PRIM2: variants seen among roughly 807,000 people sequenced by gnomAD.
The protein encoded by PRIM2 is DNA primase large subunit.
PRIM2 carries 39 observed loss-of-function variants against 67.3 expected under a neutral mutation model. The observed-to-expected ratio is 0.58, with a 90% CI of 0.45 to 0.76. The LOEUF (loss-of-function observed/expected upper bound fraction) is 0.76, where lower values mean the gene tolerates loss of function less well. Ranked by LOEUF, PRIM2 falls within the 30% of genes least tolerant of loss-of-function variation. The probability of loss-of-function intolerance (pLI) is 0.00; values close to 1 mark genes in which losing one functional copy is unlikely to be tolerated. For missense variants in PRIM2, 398 were observed against 598.7 expected, an observed-to-expected ratio of 0.66 and a Z score of 3.50; for synonymous variants, 143 against 198.7, an observed-to-expected ratio of 0.72 and a Z score of 2.36.
At chr6:57,580,578 A>G (rs1776062762) in intron 10 of PRIM2, among the ~76,000 whole-genome samples, 1 of 152,178 alleles carries the variant, frequency 6.6e-6, no homozygotes, top group Non-Finnish European at 1.5e-5. Flanking sequence ...GAAGCTTGCA[A>G]GGCCTATTTG....
intron 7 of PRIM2, among the ~76,000 whole-genome samples, chr6:57,462,326 C>T (rs1773035657): frequency 6.6e-6 from 1 of 151,624 alleles, no homozygotes; most frequent in Non-Finnish European, 1.5e-5. Flanking sequence ...AATTTGTTAG[C>T]ATTTTCAGTT....
At chr6:57,637,133 C>T (rs1777136004) in intron 13 of PRIM2, among the ~76,000 whole-genome samples, 1 of 152,164 alleles carries the variant, frequency 6.6e-6, no homozygotes, top group African/African-American at 2.4e-5. Context: ...AGTGGACCTC[C>T]AACAAACTCC....
chr6:57,552,926 C>G (rs1245559755), intron 10 of PRIM2, among the ~76,000 whole-genome samples: 1 of 152,076 alleles, frequency 6.6e-6, no homozygotes, highest in African/African-American at 2.4e-5. Context: ...ACATTCATCT[C>G]AGATTTTCTC....
the PRIM2 span, among the ~76,000 whole-genome samples, chr6:57,309,082 C>T: frequency 2.6e-5 from 4 of 151,168 alleles, no homozygotes; most frequent in South Asian, 2.1e-4. Context: ...GAGGTCCCTG[C>T]GGCCTTCGGC....
intron 7 of PRIM2, among the ~76,000 whole-genome samples, chr6:57,451,709 A>C (rs1449101180): frequency 4.0e-5 from 6 of 150,988 alleles, no homozygotes; most frequent in Non-Finnish European, 7.4e-5. Context: ...ATCTCTTTTG[A>C]TGTATCTGTT....
rs1776948599 is a variant in PRIM2, at chr6:57,626,310, ATGT to A, written c.1231-5819_1231-5817del. On this transcript the variant is annotated intron_variant, in intron 12 of 13. Transcript: ENST00000615550. ...AGGAAGTGTGGCTCAAAGTTATAAA[ATGT>A]TGTGTGTGTATAAAAAGAAGAGAGT... 5.9e-5 allele frequency among the ~76,000 whole-genome samples: 9 copies of A among 152,220 alleles called. 1 individual carries two copies. Among genetic ancestry groups the A allele is most frequent in the Non-Finnish European group, 2.9e-5 (2 of 68,044 alleles).
At chr6:57,577,074 A>G (rs1775976710) in intron 10 of PRIM2, among the ~76,000 whole-genome samples, 1 of 152,212 alleles carries the variant, frequency 6.6e-6, no homozygotes, top group Non-Finnish European at 1.5e-5. Flanking sequence ...GCATATTTTA[A>G]GCAAATTAAA....
At chr6:57,640,941 C>CA (rs1307982833) in intron 13 of PRIM2, among the ~76,000 whole-genome samples, 69,509 of 147,554 alleles carry the variant, frequency 0.47, 16,234 homozygotes, top group East Asian at 0.64. Context: ...AGCAAAAAAA[C>CA]AAAAAAAAAA....
intron 13 of PRIM2, among the ~76,000 whole-genome samples, chr6:57,639,258 T>G (rs1777181776): frequency 6.6e-6 from 1 of 152,118 alleles, no homozygotes; most frequent in African/African-American, 2.4e-5. Context: ...AGGCAGTGTT[T>G]AGAGGGAAAT....
At chr6:57,440,995 C>T (rs529664268) in intron 7 of PRIM2, among the ~76,000 whole-genome samples, 1 of 152,258 alleles carries the variant, frequency 6.6e-6, no homozygotes, top group East Asian at 1.9e-4. Context: ...GTCTGCATCT[C>T]TGACTTAGCA....
intron 5 of PRIM2, among the ~76,000 whole-genome samples, chr6:57,373,798 GGTCTATGT>G (rs1769650817): frequency 6.6e-6 from 1 of 152,022 alleles, no homozygotes; most frequent in South Asian, 2.1e-4. Context: ...CTGTTCCATT[GGTCTATGT>G]GCCTGTTTTT....
At chr6:57,245,572 GTAGATTTTGAGCC>G in the PRIM2 span, among the ~76,000 whole-genome samples, 1 of 152,122 alleles carries the variant, frequency 6.6e-6, no homozygotes, top group Admixed American at 6.5e-5. Context: ...TTTCAGTTTT[GTAGATTTTGAGCC>G]TAGATTCTCT....
chr6:57,490,209 A>C (rs1237854616), intron 7 of PRIM2, among the ~76,000 whole-genome samples: 2 of 152,258 alleles, frequency 1.3e-5, no homozygotes, highest in East Asian at 3.9e-4. Flanking sequence ...AATCCCTTTA[A>C]AAGAGTTACC....
At chr6:57,242,405 T>G in the PRIM2 span, among the ~76,000 whole-genome samples, 1 of 152,176 alleles carries the variant, frequency 6.6e-6, no homozygotes, top group Non-Finnish European at 1.5e-5. Context: ...AACAATGTTT[T>G]GTGAGGGAAT....
the PRIM2 span, among the ~76,000 whole-genome samples, chr6:57,245,087 T>A: frequency 6.6e-6 from 1 of 152,058 alleles, no homozygotes; most frequent in Admixed American, 6.6e-5. Context: ...GAGGCCTTCC[T>A]CTCTCCACTG....
chr6:57,613,929 G>A (rs1776708427), intron 12 of PRIM2, among the ~76,000 whole-genome samples: 1 of 152,056 alleles, frequency 6.6e-6, no homozygotes, highest in Non-Finnish European at 1.5e-5. Flanking sequence ...TCTGCTCACT[G>A]CAACCTCTGC....
intron 7 of PRIM2, among the ~76,000 whole-genome samples, chr6:57,492,559 T>A (rs1554346091): frequency 4.0e-5 from 6 of 151,414 alleles, no homozygotes; most frequent in African/African-American, 1.5e-4. Context: ...AAAAAATAAA[T>A]AAATAAATAA....
At chr6:57,573,228 C>T (rs2127482204) in intron 10 of PRIM2, among the ~76,000 whole-genome samples, 1 of 152,316 alleles carries the variant, frequency 6.6e-6, no homozygotes, top group African/African-American at 2.4e-5. Flanking sequence ...TAGTATTATT[C>T]CCGTAATTTT....
chr6:57,294,527 A>C, the PRIM2 span, among the ~76,000 whole-genome samples: 3 of 152,064 alleles, frequency 2.0e-5, no homozygotes, highest in South Asian at 2.1e-4. Context: ...GAACAAAAGC[A>C]GTATATATAG....
Sources: gnomAD v4.1 joint callset for allele counts (sites outside exome capture counted in the v4.1 genomes callset) on GRCh38, gnomAD v4.1.1 for gene constraint, MANE v1.5 for transcripts, NCBI Gene and HGNC (gene_info 2026-07-23, HGNC 2026-07-21) for gene names.